Variants in CTDSP1 observed in about 807,000 individuals in gnomAD.
CTDSP1 encodes carboxy-terminal domain RNA polymerase II polypeptide A small phosphatase 1.
Under a neutral mutation model 32.5 loss-of-function variants are expected in CTDSP1, and 15 were observed. That is an observed-to-expected ratio of 0.46 (90% CI 0.31 to 0.71). The LOEUF is 0.71. Ranked by LOEUF, CTDSP1 falls within the 30% of genes least tolerant of loss-of-function variation. The probability of loss-of-function intolerance (pLI) is 0.05; values close to 1 mark genes in which losing one functional copy is unlikely to be tolerated. For missense variants in CTDSP1, 294 were observed against 351.1 expected, an observed-to-expected ratio of 0.84 and a Z score of 1.30; for synonymous variants, 185 against 145.4, an observed-to-expected ratio of 1.27 and a Z score of -1.96.
chr2:218,399,965 C>T lies in CTDSP1; in HGVS notation c.-126C>T. 1 of 1,163,802 alleles carries T rather than the reference C, an allele frequency of 8.6e-7. No homozygotes were observed. The highest frequency in any genetic ancestry group is 2.3e-5 in the South Asian group (1 of 43,400). The allele number at this position is 1,163,802 out of a possible 1,614,324, so 72.1% of individuals were successfully genotyped here. On this transcript the variant is annotated 5_prime_UTR_variant, in exon 1 of 7. Coordinates refer to ENST00000273062, the MANE Select transcript of CTDSP1 (RefSeq NM_021198.3). ...CCTAGAACCTGGCTCCCCTCCCCTC[C>T]GGAGCTCGCGGGGATCCCTCCCTCC...
chr2:218,396,946 G>A (rs1402346535), upstream of CTDSP1: 2 of 152,540 alleles, frequency 1.3e-5, no homozygotes, highest in African/African-American at 4.8e-5. Flanking sequence ...CCTGTGGCAG[G>A]ATGCGGTGAA....
upstream of CTDSP1, chr2:218,399,011 AG>A (rs1398996214): frequency 6.6e-6 from 1 of 152,186 alleles, no homozygotes. Context: ...CTGGGCTCCT[AG>A]GATCGGCAGC....
At position 218,401,546 on chromosome 2, in the gene CTDSP1, T is replaced by C; in HGVS notation, c.68-18T>C. The C allele has an allele frequency of 6.2e-7, 1 of 1,613,204 alleles. No homozygotes were observed. The highest frequency in any genetic ancestry group is 1.7e-5 in the Admixed American group (1 of 59,892). ...GCCAGTGTGCACCGAGCCTCCAACTTGTGCCTCCCTACTTCAGGTGACCAG... is the reference window on the plus strand; with the variant it reads ...GCCAGTGTGCACCGAGCCTCCAACTCGTGCCTCCCTACTTCAGGTGACCAG... On this transcript the variant is annotated intron_variant, in intron 1 of 6. Transcript: ENST00000273062.
At chr2:218,401,330 T>G in intron 1 of CTDSP1, 1 of 574,090 alleles carries the variant, frequency 1.7e-6, no homozygotes. Context: ...GCACTCCCTA[T>G]GTGGGCGCCT....
chr2:218,402,990 C>T (rs1697229630), intron 4 of CTDSP1, 45 bp from the exon 5 acceptor site: 1 of 1,461,386 alleles, frequency 6.8e-7, no homozygotes, highest in Non-Finnish European at 9.6e-7. Flanking sequence ...GCCACCCCCA[C>T]ACTGCCCCAC....
At chr2:218,398,617 C>G, upstream of CTDSP1, 1 of 516,532 alleles carries the variant, frequency 1.9e-6, no homozygotes, top group Non-Finnish European at 3.2e-6. Context: ...GGCTCCCCCT[C>G]GGCAGGGCCT....
chr2:218,402,862 CG>C (rs1352203147), intron 4 of CTDSP1, 172 bp from the exon 5 acceptor site: 12 of 659,832 alleles, frequency 1.8e-5, no homozygotes, highest in Non-Finnish European at 1.7e-5. Context: ...CGTTTTCTGG[CG>C]GGGGGTGGGT....
intron 1 of CTDSP1, 174 bp from the exon 2 acceptor site, chr2:218,401,390 G>T: frequency 1.5e-6 from 1 of 673,222 alleles, no homozygotes; most frequent in Admixed American, 2.9e-5. Flanking sequence ...CCTTGCAGTT[G>T]ATTGTGGAGC....
Position 218,403,321 on chromosome 2 carries a change from C to T in CTDSP1, c.561C>T (p.Asn187=). 1 of 1,614,166 alleles carries T rather than the reference C, an allele frequency of 6.2e-7. No homozygotes were observed. The highest frequency in any genetic ancestry group is 8.5e-7 in the Non-Finnish European group (1 of 1,180,022). ...AGTCCTGCGTCTTCCACCGGGGGAACTACGTGAAGGACCTGAGCCGGTTGG... is the reference window on the plus strand; with the variant it reads ...AGTCCTGCGTCTTCCACCGGGGGAATTACGTGAAGGACCTGAGCCGGTTGG... The part of the protein sequence containing the change: ...FRESCVFHRG[N]YVKDLSRLGR... Residue 187 remains asparagine (N), a synonymous_variant, in exon 6 of 7, where the codon AAC becomes AAT. Transcript: ENST00000273062.
intron 6 of CTDSP1, 160 bp downstream of exon 6, chr2:218,403,577 C>T: frequency 1.6e-6 from 1 of 622,502 alleles, no homozygotes; most frequent in Non-Finnish European, 2.7e-6. Flanking sequence ...CTCCCCTCAT[C>T]CACCTGCCCT....
At chr2:218,401,259 C>G (rs1697121005) in intron 1 of CTDSP1, 1 of 466,716 alleles carries the variant, frequency 2.1e-6, no homozygotes, top group Non-Finnish European at 3.9e-6. Context: ...TGATCAGCAG[C>G]AGTCATGGAG....
upstream of CTDSP1, chr2:218,399,294 C>T (rs1267958975): frequency 1.3e-5 from 2 of 152,296 alleles, no homozygotes; most frequent in Non-Finnish European, 1.5e-5. Flanking sequence ...ATTTCACGTC[C>T]TACAGACCGG....
chr2:218,401,157 G>C (rs1697115983), intron 1 of CTDSP1: 2 of 363,200 alleles, frequency 5.5e-6, no homozygotes, highest in Admixed American at 3.6e-5. Flanking sequence ...GATGGAGGGA[G>C]GGCAGGGGTG....
intron 1 of CTDSP1, chr2:218,400,884 G>T (rs1441384378): frequency 2.2e-6 from 1 of 456,186 alleles, no homozygotes; most frequent in Non-Finnish European, 4.4e-6. Flanking sequence ...TCAGGATCTG[G>T]ACGCTGCCCC....
intron 4 of CTDSP1, chr2:218,402,793 G>A (rs1697220396): frequency 1.4e-6 from 1 of 707,916 alleles, no homozygotes; most frequent in South Asian, 1.5e-5. Context: ...GGCAGGGGAA[G>A]GGATTGGGAA....
rs1448872396 is a variant in CTDSP1, at chr2:218,401,654, C to G, written c.158C>G (p.Ala53Gly). Residue 53 changes from alanine to glycine, a missense_variant, in exon 2 of 7, where the codon GCC becomes GGC. This residue lies in a region of CTDSP1 where 148 missense variants were observed against 113.3 expected (regional missense o/e 1.31). Coordinates refer to ENST00000273062, the MANE Select transcript of CTDSP1 (RefSeq NM_021198.3). ...TGTGTCTGCCGGGATGATGGGGAGG[C>G]CCTGCCTGCTCACAGCGGGGCGCCC... ...FCCVCRDDGE[A>G]LPAHSGAPLL... is the part of the protein sequence containing the mutation. 6.2e-7 allele frequency: 1 copy of G among 1,611,574 alleles called. No individual in the cohort carries two copies. The highest frequency in any genetic ancestry group is 1.3e-5 in the African/African-American group (1 of 74,846).
chr2:218,401,408 G>C, intron 1 of CTDSP1, 156 bp from the exon 2 acceptor site: 1 of 763,474 alleles, frequency 1.3e-6, no homozygotes, highest in Non-Finnish European at 2.1e-6. Flanking sequence ...AGCCCTGACA[G>C]GGGCGTTTCA....
chr2:218,402,673 T>A, intron 4 of CTDSP1: 1 of 760,116 alleles, frequency 1.3e-6, no homozygotes, highest in South Asian at 1.4e-5. Context: ...TAATTCAGGA[T>A]AGGTTGTGTG....
chr2:218,401,739 GGGGCACC>G, intron 2 of CTDSP1, 27 bp downstream of exon 2: 1 of 1,531,010 alleles, frequency 6.5e-7, no homozygotes, highest in Non-Finnish European at 8.8e-7. Context: ...TGGGGCCACG[GGGGCACC>G]TGGACTCAGT....
Sources: allele counts gnomAD v4.1 joint callset, GRCh38; gene constraint gnomAD v4.1.1; regional missense constraint gnomAD v4.1.1; transcripts MANE v1.5; gene names NCBI Gene and HGNC (gene_info 2026-07-23, HGNC 2026-07-21).